Variants in CBL observed in about 807,000 individuals in gnomAD.
The protein encoded by CBL is Cbl proto-oncogene, also known as E3 ubiquitin-protein ligase CBL.
A neutral mutation model predicts 96.9 loss-of-function variants in CBL; 45 were observed. The ratio of observed to expected loss-of-function variants is 0.46; its 90% CI spans 0.37 to 0.60. The LOEUF (loss-of-function observed/expected upper bound fraction) is 0.60, where lower values mean the gene tolerates loss of function less well. Among genes scored for constraint, CBL ranks in the 20% least tolerant of loss-of-function variants. The probability of loss-of-function intolerance (pLI) is 0.00; values close to 1 mark genes in which losing one functional copy is unlikely to be tolerated. For synonymous variants in CBL, 420 were observed against 426.8 expected, an observed-to-expected ratio of 0.98 and a Z score of 0.20; for missense variants, 1,024 against 1,143.5, an observed-to-expected ratio of 0.90 and a Z score of 1.51.
intron 1 of CBL, among the ~76,000 whole-genome samples, chr11:119,207,151 C>T (rs1949277227): frequency 6.6e-6 from 1 of 152,056 alleles, no homozygotes; most frequent in Non-Finnish European, 1.5e-5. Context: ...AGTCCTTTCT[C>T]ATTAAGATGT....
intron 14 of CBL, 96 bp from the exon 15 acceptor site, chr11:119,298,262 A>G: frequency 9.6e-7 from 1 of 1,042,578 alleles, no homozygotes; most frequent in Non-Finnish European, 1.5e-6. Flanking sequence ...GAGATAAATG[A>G]TTGCATACAT....
chr11:119,248,208 C>G (rs1949646527), intron 2 of CBL, among the ~76,000 whole-genome samples: 1 of 152,174 alleles, frequency 6.6e-6, no homozygotes, highest in African/African-American at 2.4e-5. Flanking sequence ...ACTTGTATTT[C>G]TGATTTCAAA....
chr11:119,242,437 C>T (rs1949593722), intron 2 of CBL, among the ~76,000 whole-genome samples: 1 of 149,946 alleles, frequency 6.7e-6, no homozygotes. Flanking sequence ...ACTCAGGAGG[C>T]TGAGGCAGGA....
intron 2 of CBL, among the ~76,000 whole-genome samples, chr11:119,238,384 A>C (rs901160046): frequency 1.3e-5 from 2 of 151,552 alleles, no homozygotes; most frequent in Non-Finnish European, 2.9e-5. Flanking sequence ...TAAGTTTTCT[A>C]TTTTTAGTAG....
At position 119,277,823 on chromosome 11, in the gene CBL, A is replaced by G. The variant is rs1060500678; in HGVS notation, c.1074A>G (p.Gln358=). The G allele has an allele frequency of 6.2e-7, 1 of 1,613,304 alleles. No homozygotes were observed. Among genetic ancestry groups the G allele is most frequent in the Admixed American group, 1.7e-5 (1 of 59,996 alleles). Residue 358 remains glutamine, a synonymous_variant, in exon 7 of 16, where the codon CAA becomes CAG. Transcript: ENST00000264033. ...CTGGCTTATGTGAACCAACTCCCCA[A>G]GACCATATCAAAGTGACCCAGGTGA... ...DLTGLCEPTP[Q]DHIKVTQEQY...
intron 2 of CBL, among the ~76,000 whole-genome samples, chr11:119,246,140 A>G (rs1002522771): frequency 2.0e-5 from 3 of 151,310 alleles, no homozygotes; most frequent in Admixed American, 2.0e-4. Flanking sequence ...ATGCCCAGCT[A>G]ATTTTTGTAC....
intron 12 of CBL, among the ~76,000 whole-genome samples, chr11:119,290,106 C>T (rs900409974): frequency 2.0e-5 from 3 of 152,080 alleles, no homozygotes; most frequent in Non-Finnish European, 4.4e-5. Flanking sequence ...AGTGCAGTGG[C>T]GCAGTCTTGG....
chr11:119,218,935 G>A (rs1208314579), intron 1 of CBL, among the ~76,000 whole-genome samples: 1 of 152,152 alleles, frequency 6.6e-6, no homozygotes, highest in African/African-American at 2.4e-5. Context: ...TCTGAAGAAA[G>A]GTCTGGGCTC....
At chr11:119,217,568 G>C (rs965570218) in intron 1 of CBL, among the ~76,000 whole-genome samples, 1 of 152,182 alleles carries the variant, frequency 6.6e-6, no homozygotes, top group Non-Finnish European at 1.5e-5. Context: ...AGTGGGGCCT[G>C]AGAGATTTTG....
At chr11:119,209,519 T>C (rs982422024) in intron 1 of CBL, among the ~76,000 whole-genome samples, 4 of 151,906 alleles carry the variant, frequency 2.6e-5, no homozygotes, top group Admixed American at 6.6e-5. Flanking sequence ...CTTGGGAGAC[T>C]GGGACAGGAG....
intron 5 of CBL, among the ~76,000 whole-genome samples, chr11:119,275,425 C>G (rs1402504277): frequency 2.0e-5 from 3 of 151,988 alleles, no homozygotes; most frequent in Non-Finnish European, 4.4e-5. Context: ...GCAATAAGAG[C>G]GAAACCCCAT....
chr11:119,232,178 A>G (rs1254258937), intron 1 of CBL, among the ~76,000 whole-genome samples: 1 of 152,196 alleles, frequency 6.6e-6, no homozygotes, highest in Non-Finnish European at 1.5e-5. Flanking sequence ...TTAGGGATTT[A>G]TGTGGATGTT....
At position 119,305,567 on chromosome 11, in the gene CBL, C is replaced by T. The variant is rs1363244460; in HGVS notation, c.*5786C>T. 9 of 227,486 alleles carry T rather than the reference C, an allele frequency of 4.0e-5. No homozygotes were observed. The South Asian group carries it at 9.1e-4, about 23-fold the overall frequency. The allele number at this position is 227,486 out of a possible 1,614,324, so 14.1% of individuals were successfully genotyped here. A position where few individuals can be genotyped will look rare whatever the true frequency, so the allele number is the denominator to read the frequency against. On this transcript the variant is annotated 3_prime_UTR_variant, in exon 16 of 16. Coordinates refer to ENST00000264033, the MANE Select transcript of CBL (RefSeq NM_005188.4). ...GCAGTAATGTTCTCAGGCAAGCCTT[C>T]CTAGGCACCTCAGAAACTACTTTGC...
chr11:119,207,377 C>T (rs1949279421), intron 1 of CBL, among the ~76,000 whole-genome samples: 1 of 152,102 alleles, frequency 6.6e-6, no homozygotes, highest in African/African-American at 2.4e-5. Flanking sequence ...GCAGCAGATT[C>T]TGACTTCTTA....
chr11:119,250,979 G>A (rs1949665878), intron 2 of CBL, among the ~76,000 whole-genome samples: 1 of 152,102 alleles, frequency 6.6e-6, no homozygotes, highest in Non-Finnish European at 1.5e-5. Context: ...TAAATATTTT[G>A]TCTAATTTTT....
At chr11:119,241,924 T>C (rs1761106305) in intron 2 of CBL, among the ~76,000 whole-genome samples, 1 of 152,204 alleles carries the variant, frequency 6.6e-6, no homozygotes, top group Non-Finnish European at 1.5e-5. Context: ...TGGATAGATT[T>C]CTAGTTTGAG....
At chr11:119,245,577 A>C (rs1949620589) in intron 2 of CBL, among the ~76,000 whole-genome samples, 1 of 151,960 alleles carries the variant, frequency 6.6e-6, no homozygotes, top group African/African-American at 2.4e-5. Flanking sequence ...AAAAATACAA[A>C]AATTACCCGG....
chr11:119,257,767 G>GAAAA (rs1565866637), intron 2 of CBL, among the ~76,000 whole-genome samples: 1 of 152,064 alleles, frequency 6.6e-6, no homozygotes, highest in African/African-American at 2.4e-5. Flanking sequence ...TCTACATGTG[G>GAAAA]CTATGCAGTT....
intron 2 of CBL, among the ~76,000 whole-genome samples, chr11:119,247,413 G>T (rs1442067225): frequency 3.9e-5 from 6 of 152,212 alleles, no homozygotes; most frequent in Non-Finnish European, 8.8e-5. Context: ...ATTTCCATTT[G>T]CATGTGACAT....
Sources: allele counts gnomAD v4.1 joint callset (sites outside exome capture counted in the v4.1 genomes callset), GRCh38; gene constraint gnomAD v4.1.1; transcripts MANE v1.5; gene names NCBI Gene and HGNC (gene_info 2026-07-23, HGNC 2026-07-21).